RSPH14: variants seen among roughly 807,000 people sequenced by gnomAD.
RSPH14 encodes the protein rhabdoid tumor deletion region gene 1.
RSPH14 carries 20 observed loss-of-function variants against 26.7 expected under a neutral mutation model. The ratio of observed to expected loss-of-function variants is 0.75; its 90% CI spans 0.53 to 1.09. The LOEUF (loss-of-function observed/expected upper bound fraction) is 1.09, where lower values mean the gene tolerates loss of function less well. RSPH14 is among the 50% of genes least tolerant of loss of function. The pLI, the probability that RSPH14 is intolerant of heterozygous loss-of-function variation, is 0.00. For missense variants in RSPH14, 449 were observed against 457.2 expected (o/e 0.98, Z 0.16); for synonymous variants, 177 against 189.3 (o/e 0.93, Z 0.53).
the RSPH14 span, chr22:23,157,935 C>T: frequency 6.2e-7 from 1 of 1,609,502 alleles, no homozygotes; most frequent in Non-Finnish European, 8.5e-7. Flanking sequence ...TCCTGGGGAG[C>T]CCCCTTGCTC....
chr22:23,165,973 T>C, the RSPH14 span, among the ~76,000 whole-genome samples: 167 of 151,938 alleles, frequency 1.1e-3, 2 homozygotes, highest in East Asian at 9.4e-3. Context: ...GGTGAAACCC[T>C]GTCTCTACTA....
chr22:23,160,775 C>A, the RSPH14 span: 1 of 1,494,844 alleles, frequency 6.7e-7, no homozygotes, highest in Non-Finnish European at 9.1e-7. Flanking sequence ...CTAGAAAGGG[C>A]TACGTGCCAA....
intron 4 of RSPH14, chr22:23,070,405 A>G (rs2068324469): frequency 7.0e-6 from 1 of 143,246 alleles, no homozygotes; most frequent in Non-Finnish European, 1.6e-5. Context: ...GGAGGGAACC[A>G]GGCCGGCCGG....
At chr22:23,082,676 G>A (rs2068716402) in intron 4 of RSPH14, among the ~76,000 whole-genome samples, 1 of 152,072 alleles carries the variant, frequency 6.6e-6, no homozygotes, top group Non-Finnish European at 1.5e-5. Flanking sequence ...CCCACGGCAG[G>A]CCAGCCTGGA....
At chr22:23,175,234 A>AAG in the RSPH14 span, among the ~76,000 whole-genome samples, 1 of 152,198 alleles carries the variant, frequency 6.6e-6, no homozygotes, top group East Asian at 1.9e-4. Context: ...TCCTGACCTC[A>AAG]TGATCTGCCC....
At chr22:23,147,583 C>T (rs962187983), upstream of RSPH14, among the ~76,000 whole-genome samples, 3 of 152,130 alleles carry the variant, frequency 2.0e-5, no homozygotes, top group South Asian at 2.1e-4. Context: ...TCCTCCCACC[C>T]GGGCCTCTCA....
At chr22:23,119,843 C>T (rs1467039459) in intron 4 of RSPH14, among the ~76,000 whole-genome samples, 3 of 152,112 alleles carry the variant, frequency 2.0e-5, no homozygotes, top group Non-Finnish European at 1.5e-5. Flanking sequence ...GGAAACCAGG[C>T]GTCTACACAG....
chr22:23,123,353 C>A (rs1021647434), intron 4 of RSPH14: 1 of 1,613,946 alleles, frequency 6.2e-7, no homozygotes, highest in Non-Finnish European at 8.5e-7. Context: ...CCACCGACAC[C>A]AGTAACATCC....
At chr22:23,161,095 A>C in the RSPH14 span, 2 of 1,426,174 alleles carry the variant, frequency 1.4e-6, no homozygotes, top group African/African-American at 1.4e-5. Context: ...CCATTTCCTG[A>C]ACTTGTGGCC....
the RSPH14 span, among the ~76,000 whole-genome samples, chr22:23,166,919 G>A: frequency 9.9e-5 from 15 of 152,114 alleles, no homozygotes; most frequent in African/African-American, 3.4e-4. Flanking sequence ...CATTTATGGA[G>A]CACGCTCTTT....
At chr22:23,134,179 G>A (rs1157023254) in intron 3 of RSPH14, 35 bp from the exon 4 acceptor site, 3 of 1,509,208 alleles carry the variant, frequency 2.0e-6, no homozygotes, top group South Asian at 1.2e-5. Flanking sequence ...ACATAAGTGA[G>A]ACCATGCCCT....
chr22:23,142,114 T>A, upstream of RSPH14: 1 of 837,468 alleles, frequency 1.2e-6, no homozygotes, highest in Non-Finnish European at 1.4e-6. Flanking sequence ...TGCGGCCGGC[T>A]GCAAAGCGGG....
At chr22:23,085,884 T>G (rs1425596490) in intron 4 of RSPH14, among the ~76,000 whole-genome samples, 1 of 152,222 alleles carries the variant, frequency 6.6e-6, no homozygotes, top group Non-Finnish European at 1.5e-5. Context: ...TTTTTGTTTC[T>G]CTCTCAATCC....
rs912872768 is a variant in RSPH14 at position 23,064,349 on chromosome 22, G to A, written c.422-216C>T. Among the ~76,000 whole-genome samples, 5 of 152,234 alleles carry A rather than the reference G, an allele frequency of 3.3e-5. No homozygotes were observed. In the South Asian group the frequency reaches 6.2e-4, roughly 19 times the overall value. On this transcript the variant is annotated intron_variant, in intron 4 of 6. Coordinates refer to ENST00000216036, the MANE Select transcript of RSPH14 (RefSeq NM_014433.3). ...GACAGCCATGTCAGGGGCTAAGGGCGGAGGCTCAGAGAACCCAGGAAGGAC... is the reference window on the plus strand; with the variant it reads ...GACAGCCATGTCAGGGGCTAAGGGCAGAGGCTCAGAGAACCCAGGAAGGAC...
intron 4 of RSPH14, chr22:23,070,479 G>A (rs1390120768): frequency 1.3e-5 from 2 of 150,046 alleles, no homozygotes; most frequent in Non-Finnish European, 3.0e-5. Context: ...GCGTCGTACG[G>A]AACGAGGGCG....
chr22:23,180,090 G>A, the RSPH14 span: 916 of 324,534 alleles, frequency 2.8e-3, 8 homozygotes, highest in African/African-American at 0.018. Context: ...GGACTGCTGC[G>A]AGTTCTGCCA....
chr22:23,130,496 A>AAGAAGG (rs67156030), intron 4 of RSPH14, among the ~76,000 whole-genome samples: 1 of 110,692 alleles, frequency 9.0e-6, no homozygotes, highest in African/African-American at 3.6e-5. Flanking sequence ...GAAGGAAAGA[A>AAGAAGG]AAAGAAAGAA....
At chr22:23,147,126 G>T (rs1174089932), upstream of RSPH14, among the ~76,000 whole-genome samples, 2 of 152,134 alleles carry the variant, frequency 1.3e-5, no homozygotes, top group Non-Finnish European at 2.9e-5. Flanking sequence ...CAGCATTCCA[G>T]TTCCATGACC....
At chr22:23,148,025 G>C (rs923035259), upstream of RSPH14, among the ~76,000 whole-genome samples, 1 of 152,026 alleles carries the variant, frequency 6.6e-6, no homozygotes, top group Admixed American at 6.5e-5. Flanking sequence ...CTGTGGCTTC[G>C]GACAGGTGCA....
Sources: gnomAD v4.1 joint callset for allele counts (sites outside exome capture counted in the v4.1 genomes callset) on GRCh38, gnomAD v4.1.1 for gene constraint, MANE v1.5 for transcripts, NCBI Gene and HGNC (gene_info 2026-07-23, HGNC 2026-07-21) for gene names.